MYLK4: variants seen among roughly 807,000 people sequenced by gnomAD.
MYLK4 encodes myosin light chain kinase family member 4.
MYLK4 carries 46 observed loss-of-function variants against 48.1 expected under a neutral mutation model. The observed-to-expected ratio is 0.96, with a 90% CI of 0.75 to 1.22. The LOEUF (loss-of-function observed/expected upper bound fraction) is 1.22. Among genes scored for constraint, MYLK4 ranks in the 50% most tolerant of loss-of-function variants. MYLK4 has a pLI of 0.00. For synonymous variants in MYLK4, 170 were observed against 180.8 expected, an observed-to-expected ratio of 0.94 and a Z score of 0.48; for missense variants, 451 against 486.1, an observed-to-expected ratio of 0.93 and a Z score of 0.68.
rs145224022 is a variant in MYLK4 at position 2,679,334 on chromosome 6, T to A, written c.833A>T (p.Asp278Val). ...EFLAPEVVNY[D>V]FVSFPTDMWS... is the part of the protein sequence containing the mutation. ...CATGTCAGTGGGAAATGAAACAAAATCATAGTTCACAACTTCAGGGGCGAG... is the reference window on the plus strand; with the variant it reads ...CATGTCAGTGGGAAATGAAACAAAAACATAGTTCACAACTTCAGGGGCGAG... The change falls in exon 9 of 13, where the codon GAT becomes GTT. Residue 278 changes from aspartate to valine, a missense_variant. By Grantham distance (152) the Asp-to-Val change is radical (BLOSUM62 -3). Transcript: ENST00000274643. 2 of 1,614,098 alleles carry A rather than the reference T, an allele frequency of 1.2e-6. No individual in the cohort carries two copies. Among genetic ancestry groups the A allele is most frequent in the Non-Finnish European group, 1.7e-6 (2 of 1,180,024 alleles).
intron 2 of MYLK4, among the ~76,000 whole-genome samples, chr6:2,712,357 T>TA (rs1344403818): frequency 6.6e-6 from 1 of 152,196 alleles, no homozygotes. Context: ...TTCCAGAAGA[T>TA]AGGCCACATA....
chr6:2,726,537 A>C (rs141816145), intron 2 of MYLK4, among the ~76,000 whole-genome samples: 1 of 152,292 alleles, frequency 6.6e-6, no homozygotes, highest in African/African-American at 2.4e-5. Flanking sequence ...ATGAGAAGTC[A>C]AAGTGAGAAG....
At chr6:2,703,843 G>A (rs563333750) in intron 2 of MYLK4, among the ~76,000 whole-genome samples, 2 of 151,804 alleles carry the variant, frequency 1.3e-5, no homozygotes, top group South Asian at 4.2e-4. Context: ...CCTAATTTTT[G>A]TATTTTTAGT....
At chr6:2,757,244 T>C in the MYLK4 span, among the ~76,000 whole-genome samples, 1 of 152,100 alleles carries the variant, frequency 6.6e-6, no homozygotes, top group Non-Finnish European at 1.5e-5. Flanking sequence ...ATTCTACATG[T>C]CCAAAAGTAT....
chr6:2,686,907 A>G (rs1761577106), intron 4 of MYLK4, among the ~76,000 whole-genome samples: 1 of 152,094 alleles, frequency 6.6e-6, no homozygotes, highest in African/African-American at 2.4e-5. Context: ...TGGCCGCAGA[A>G]CCTCCTGAGC....
At chr6:2,737,990 G>A (rs200233085) in intron 2 of MYLK4, among the ~76,000 whole-genome samples, 413 of 28,570 alleles carry the variant, frequency 0.014, 45 homozygotes, top group Non-Finnish European at 0.022. Flanking sequence ...GTGGGGGGGG[G>A]GTGGTCAATG....
chr6:2,682,610 G>A (rs1385439490), intron 7 of MYLK4, among the ~76,000 whole-genome samples: 6 of 152,238 alleles, frequency 3.9e-5, no homozygotes, highest in Middle Eastern at 3.4e-3. Context: ...TGAGTGACTC[G>A]AGGAGCTGCC....
At chr6:2,677,282 C>T (rs1761116822) in intron 10 of MYLK4, among the ~76,000 whole-genome samples, 1 of 152,190 alleles carries the variant, frequency 6.6e-6, no homozygotes, top group Admixed American at 6.5e-5. Flanking sequence ...GTGATCAACA[C>T]TTGAATGAAA....
chr6:2,736,008 C>T (rs1019315029), intron 2 of MYLK4, among the ~76,000 whole-genome samples: 1 of 152,072 alleles, frequency 6.6e-6, no homozygotes, highest in Admixed American at 6.6e-5. Flanking sequence ...TAGGTGGTCT[C>T]CAAGGGGATT....
chr6:2,748,075 G>A (rs1024454312), intron 2 of MYLK4, among the ~76,000 whole-genome samples: 2 of 152,116 alleles, frequency 1.3e-5, no homozygotes, highest in Non-Finnish European at 2.9e-5. Context: ...TGCATTGTTA[G>A]AAACGCCCTT....
chr6:2,766,285 G>A, the MYLK4 span: 3 of 1,594,480 alleles, frequency 1.9e-6, no homozygotes, highest in Non-Finnish European at 1.7e-6. Context: ...TCCGACAGAT[G>A]CTACAGGGCA....
chr6:2,744,904 G>A (rs903096076), intron 2 of MYLK4, among the ~76,000 whole-genome samples: 8 of 152,212 alleles, frequency 5.3e-5, no homozygotes, highest in Non-Finnish European at 1.0e-4. Context: ...TTGCTTAGGG[G>A]TCTTCCAGGC....
At chr6:2,699,290 T>TC (rs1452797113) in intron 2 of MYLK4, among the ~76,000 whole-genome samples, 1 of 84,982 alleles carries the variant, frequency 1.2e-5, no homozygotes, top group East Asian at 2.6e-4. Context: ...TTCTTTTCTT[T>TC]TTTTTTTTTT....
rs187862870 is a variant in MYLK4, at chr6:2,665,618, C to G, written c.*2307G>C. The G allele has an allele frequency of 6.6e-6, 1 of 152,216 alleles. No individual in the cohort carries two copies. Among genetic ancestry groups the G allele is most frequent in the Non-Finnish European group, 1.5e-5 (1 of 68,038 alleles). 9.4% of individuals were successfully genotyped at this position (152,216 alleles called of 1,614,324 possible). The stretch of plus-strand genomic sequence containing the variant: ...CTGTCTCTTCCATGTGTGGCAGGGT[C>G]TGGGGACAGTTTATCTGCCAACCTG... On this transcript the variant is annotated 3_prime_UTR_variant, in exon 13 of 13. Transcript: ENST00000274643.
At chr6:2,689,626 A>G (rs1370779864) in intron 3 of MYLK4, among the ~76,000 whole-genome samples, 2 of 152,196 alleles carry the variant, frequency 1.3e-5, no homozygotes, top group African/African-American at 4.8e-5. Flanking sequence ...TAACATACAG[A>G]ATTACTCAGG....
intron 2 of MYLK4, among the ~76,000 whole-genome samples, chr6:2,716,787 G>A (rs1335110072): frequency 6.6e-6 from 1 of 152,218 alleles, no homozygotes; most frequent in African/African-American, 2.4e-5. Flanking sequence ...CCTGTAAAAT[G>A]AGGATAGTAG....
intron 2 of MYLK4, among the ~76,000 whole-genome samples, chr6:2,724,571 C>G (rs980788459): frequency 1.3e-5 from 2 of 152,192 alleles, no homozygotes; most frequent in African/African-American, 4.8e-5. Flanking sequence ...GTTAAAATCA[C>G]ACTACAGAAA....
chr6:2,767,421 C>T, the MYLK4 span, among the ~76,000 whole-genome samples: 3 of 152,210 alleles, frequency 2.0e-5, no homozygotes, highest in African/African-American at 7.2e-5. Context: ...GATTTTTCTC[C>T]TATTTTTCTT....
At chr6:2,764,766 C>G in the MYLK4 span, among the ~76,000 whole-genome samples, 1 of 152,160 alleles carries the variant, frequency 6.6e-6, no homozygotes, top group South Asian at 2.1e-4. Flanking sequence ...TGGCTCGAAG[C>G]GCGCTGTAGG....
Sources: gnomAD v4.1 joint callset for allele counts (sites outside exome capture counted in the v4.1 genomes callset) on GRCh38, gnomAD v4.1.1 for gene constraint, MANE v1.5 for transcripts, NCBI Gene and HGNC (gene_info 2026-07-23, HGNC 2026-07-21) for gene names.